The following TFCP2L1 variants were observed in gnomAD, a reference collection of about 807,000 sequenced individuals.
TFCP2L1 encodes transcription factor CP2-like protein 1.
A neutral mutation model predicts 72.2 loss-of-function variants in TFCP2L1; 12 were observed. That is an observed-to-expected ratio of 0.17 (90% CI 0.11 to 0.27). The LOEUF (loss-of-function observed/expected upper bound fraction) is 0.27. Ranked by LOEUF, TFCP2L1 falls within the 10% of genes least tolerant of loss-of-function variation. TFCP2L1 has a pLI of 1.00. For synonymous variants in TFCP2L1, 260 were observed against 251.0 expected (o/e 1.04, Z -0.34); for missense variants, 488 against 624.6 (o/e 0.78, Z 2.33).
chr2:121,273,172 G>A (rs1234250871), intron 2 of TFCP2L1, among the ~76,000 whole-genome samples: 1 of 152,140 alleles, frequency 6.6e-6, no homozygotes, highest in Admixed American at 6.6e-5. Flanking sequence ...AGACTCAAGA[G>A]TTGTTTTGAC....
intron 13 of TFCP2L1, 82 bp downstream of exon 13, chr2:121,231,744 G>A: frequency 1.3e-6 from 2 of 1,558,812 alleles, no homozygotes; most frequent in South Asian, 1.2e-5. Context: ...CCAAACCCAA[G>A]TGTGTTTCTG....
intron 2 of TFCP2L1, among the ~76,000 whole-genome samples, chr2:121,250,254 C>T (rs1426007160): frequency 2.0e-5 from 3 of 151,834 alleles, no homozygotes; most frequent in Non-Finnish European, 2.9e-5. Flanking sequence ...CATTTAAAAG[C>T]ATCTATGAAA....
chr2:121,285,026 G>A, intron 1 of TFCP2L1, 22 bp downstream of exon 1: 5 of 1,477,354 alleles, frequency 3.4e-6, no homozygotes, highest in Non-Finnish European at 4.5e-6. Context: ...CGAGACCCGC[G>A]GGGACCGCGC....
intron 7 of TFCP2L1, chr2:121,240,407 A>G (rs1256704058): frequency 2.6e-5 from 26 of 985,324 alleles, no homozygotes; most frequent in Non-Finnish European, 3.1e-5. Flanking sequence ...ATGCCTCTTC[A>G]GAGAGGGCCA....
At chr2:121,234,266 G>A in intron 11 of TFCP2L1, 72 bp from the exon 12 acceptor site, 1 of 1,380,504 alleles carries the variant, frequency 7.2e-7, no homozygotes, top group Non-Finnish European at 1.0e-6. Context: ...ATTCCAGGAT[G>A]GAAACAATAG....
At position 121,217,077 on chromosome 2, in the gene TFCP2L1, C is replaced by T. The variant is rs1475129743; in HGVS notation, c.*7264G>A. Reference sequence around the variant, plus strand: ...CACTGTGACAAAAGAACTTGTCCCACCTATCTGAGAGCATGAGATCTGCAA... The same window carrying T: ...CACTGTGACAAAAGAACTTGTCCCATCTATCTGAGAGCATGAGATCTGCAA... On this transcript the variant is annotated 3_prime_UTR_variant, in exon 15 of 15. Coordinates refer to ENST00000263707, the MANE Select transcript of TFCP2L1 (RefSeq NM_014553.3). 2 of 152,292 alleles carry T rather than the reference C, an allele frequency of 1.3e-5. No individual in the cohort carries two copies. The highest frequency in any genetic ancestry group is 1.9e-4 in the East Asian group (1 of 5,192). The allele number at this position is 152,292 out of a possible 1,614,324, so 9.4% of individuals were successfully genotyped here. A position where few individuals can be genotyped will look rare whatever the true frequency, so the allele number is the denominator to read the frequency against.
At chr2:121,275,398 C>CAAAAAAAAAAAAAAAAAA (rs575514638) in intron 2 of TFCP2L1, among the ~76,000 whole-genome samples, 25 of 65,704 alleles carry the variant, frequency 3.8e-4, no homozygotes, top group Middle Eastern at 0.012. Flanking sequence ...GACTCCATCT[C>CAAAAAAAAAAAAAAAAAA]AAAAAAAAAA....
intron 10 of TFCP2L1, among the ~76,000 whole-genome samples, chr2:121,235,872 C>G (rs760956578): frequency 2.0e-4 from 31 of 152,094 alleles, no homozygotes; most frequent in African/African-American, 7.0e-4. Context: ...TCAGAGCCAG[C>G]AGTGAAACAT....
chr2:121,235,570 CTTTCTT>C (rs1686229946), intron 10 of TFCP2L1, among the ~76,000 whole-genome samples: 4 of 88,650 alleles, frequency 4.5e-5, no homozygotes, highest in Admixed American at 1.3e-4. Flanking sequence ...TGCTTTCTTT[CTTTCTT>C]TTTTTTTTTT....
intron 13 of TFCP2L1, among the ~76,000 whole-genome samples, chr2:121,230,044 T>G (rs1347554860): frequency 6.6e-6 from 1 of 152,154 alleles, no homozygotes. Context: ...CAGGTGGGGC[T>G]CTATAATCCT....
chr2:121,242,083 C>CAAAAAA (rs541937558), intron 7 of TFCP2L1, among the ~76,000 whole-genome samples: 6 of 65,476 alleles, frequency 9.2e-5, no homozygotes, highest in Admixed American at 1.8e-4. Flanking sequence ...ATTACCTACT[C>CAAAAAA]AAAAAAAAAA....
chr2:121,245,318 C>CT, intron 6 of TFCP2L1, among the ~76,000 whole-genome samples: 1 of 152,308 alleles, frequency 6.6e-6, no homozygotes, highest in East Asian at 1.9e-4. Context: ...CACAGGCCCG[C>CT]TGACACCTTT....
At chr2:121,230,044 T>C (rs1347554860) in intron 13 of TFCP2L1, among the ~76,000 whole-genome samples, 1 of 152,154 alleles carries the variant, frequency 6.6e-6, no homozygotes, top group Non-Finnish European at 1.5e-5. Flanking sequence ...CAGGTGGGGC[T>C]CTATAATCCT....
Position 121,253,473 on chromosome 2 carries a change from C to G in TFCP2L1, c.215-3826G>C, listed in dbSNP as rs74540834. Among the ~76,000 whole-genome samples the G allele has an allele frequency of 5.9e-5, 9 of 152,296 alleles. No homozygotes were observed. The East Asian group carries it at 1.7e-3, about 29-fold the overall frequency. ...TCAACATAAAACATGCCTCACACAC[C>G]CTAACTGGTTTTTCCAATGTCCTCT... On this transcript the variant is annotated intron_variant, in intron 2 of 14. Transcript: ENST00000263707.
At chr2:121,254,373 G>A (rs1686672938) in intron 2 of TFCP2L1, among the ~76,000 whole-genome samples, 1 of 152,164 alleles carries the variant, frequency 6.6e-6, no homozygotes, top group South Asian at 2.1e-4. Flanking sequence ...TGAGCAATAG[G>A]TATCCAGGAC....
intron 2 of TFCP2L1, among the ~76,000 whole-genome samples, chr2:121,262,300 A>G (rs1440826699): frequency 6.6e-6 from 1 of 152,040 alleles, no homozygotes; most frequent in Non-Finnish European, 1.5e-5. Flanking sequence ...CCCTGTCTCT[A>G]CTAAAAATAC....
Position 121,237,889 on chromosome 2 carries a change from C to A in TFCP2L1, c.861-39G>T, listed in dbSNP as rs763525523. 7 of 1,610,262 alleles carry A rather than the reference C, an allele frequency of 4.3e-6. No individual in the cohort carries two copies. In the East Asian group the frequency reaches 6.7e-5, roughly 15 times the overall value. ...GAACCAGTGATGAGGACAGAGGGGG[C>A]TCCCAGGGCAATGGCCACGGTCCCG... On this transcript the variant is annotated intron_variant, in intron 8 of 14. Coordinates refer to ENST00000263707, the MANE Select transcript of TFCP2L1 (RefSeq NM_014553.3).
intron 5 of TFCP2L1, 25 bp from the exon 6 acceptor site, chr2:121,246,995 T>C (rs1686501018): frequency 6.2e-7 from 1 of 1,613,478 alleles, no homozygotes; most frequent in Non-Finnish European, 8.5e-7. Context: ...GTTGGGCAGG[T>C]GGCAAGGAGG....
intron 8 of TFCP2L1, among the ~76,000 whole-genome samples, chr2:121,238,236 G>T (rs775712200): frequency 6.6e-6 from 1 of 152,168 alleles, no homozygotes; most frequent in Non-Finnish European, 1.5e-5. Flanking sequence ...CTTGGCACCT[G>T]AAGGCTACCA....
Sources: gnomAD v4.1 joint callset for allele counts (sites outside exome capture counted in the v4.1 genomes callset) on GRCh38, gnomAD v4.1.1 for gene constraint, MANE v1.5 for transcripts, NCBI Gene and HGNC (gene_info 2026-07-23, HGNC 2026-07-21) for gene names.